Variants in PRKN observed in about 807,000 individuals in gnomAD.
The protein encoded by PRKN is parkin RBR E3 ubiquitin protein ligase.
In PRKN, 56 loss-of-function variants were observed where a neutral mutation model predicts 59.5. The observed-to-expected ratio is 0.94, with a 90% confidence interval of 0.76 to 1.18. The LOEUF (loss-of-function observed/expected upper bound fraction) is 1.18, where lower values mean the gene tolerates loss of function less well. Ranked by LOEUF, PRKN falls within the 50% of genes most tolerant of loss-of-function variation. The probability of loss-of-function intolerance (pLI) is 0.00; values close to 1 mark genes in which losing one functional copy is unlikely to be tolerated. For missense variants in PRKN, 657 were observed against 596.4 expected, an observed-to-expected ratio of 1.10 and a Z score of -1.06; for synonymous variants, 250 against 222.1, an observed-to-expected ratio of 1.13 and a Z score of -1.12.
chr6:162,562,189 T>C (rs1779873568), intron 1 of PRKN, among the ~76,000 whole-genome samples: 1 of 152,104 alleles, frequency 6.6e-6, no homozygotes, highest in South Asian at 2.1e-4. Flanking sequence ...CTAGACACAC[T>C]CTGGCCCACA....
At chr6:162,317,285 C>T (rs553136939) in intron 2 of PRKN, among the ~76,000 whole-genome samples, 90 of 152,080 alleles carry the variant, frequency 5.9e-4, no homozygotes, top group Admixed American at 4.6e-4. Context: ...GATACTGTTC[C>T]CATGGTAGTG....
chr6:161,716,365 A>C (rs753091498), intron 7 of PRKN, among the ~76,000 whole-genome samples: 13 of 152,178 alleles, frequency 8.5e-5, no homozygotes, highest in African/African-American at 3.1e-4. Context: ...TGAAAGTAGC[A>C]GTGCTTTTTT....
chr6:161,646,403 G>A (rs1783948713), intron 7 of PRKN, among the ~76,000 whole-genome samples: 1 of 118,592 alleles, frequency 8.4e-6, no homozygotes, highest in South Asian at 3.0e-4. Context: ...GGCGGAGGAG[G>A]TGGCGTATCA....
intron 6 of PRKN, among the ~76,000 whole-genome samples, chr6:161,938,535 G>A (rs985486989): frequency 4.6e-5 from 7 of 152,112 alleles, no homozygotes; most frequent in African/African-American, 1.7e-4. Flanking sequence ...TAACTAATTA[G>A]GCCCAAACAA....
chr6:161,733,768 G>A (rs1452238127), intron 7 of PRKN, among the ~76,000 whole-genome samples: 1 of 75,068 alleles, frequency 1.3e-5, no homozygotes, highest in Non-Finnish European at 2.3e-5. Flanking sequence ...TTCCCAGGGG[G>A]TGAAAAAAAA....
Position 161,821,719 on chromosome 6 carries a change from C to CTTTTTTTTTTTT in PRKN, c.735-35823_735-35812dup, listed in dbSNP as rs531807176. ...TTTGGAAAATATTTCCACTGGTGTT[C>CTTTTTTTTTTTT]TTTTTTTTTTTTTTTTTTTTTTTTT... On this transcript the variant is annotated intron_variant, in intron 6 of 11. Transcript: ENST00000366898. Among the ~76,000 whole-genome samples, 24 of 64,696 alleles carry CTTTTTTTTTTTT rather than the reference C, an allele frequency of 3.7e-4. 1 individual carries two copies. Among genetic ancestry groups the CTTTTTTTTTTTT allele is most frequent in the Admixed American group, 5.2e-4 (2 of 3,860 alleles). 42.4% of individuals were successfully genotyped at this position (64,696 alleles called of 152,430 possible). A position where few individuals can be genotyped will look rare whatever the true frequency, so the allele number is the denominator to read the frequency against.
intron 4 of PRKN, among the ~76,000 whole-genome samples, chr6:162,161,231 G>A (rs1447713976): frequency 2.0e-5 from 3 of 152,174 alleles, no homozygotes; most frequent in Non-Finnish European, 4.4e-5. Context: ...GCGATCCCCA[G>A]AAATCTAGGT....
intron 2 of PRKN, among the ~76,000 whole-genome samples, chr6:162,309,014 T>C (rs1782355068): frequency 6.6e-6 from 1 of 152,150 alleles, no homozygotes; most frequent in Non-Finnish European, 1.5e-5. Context: ...TAGTCAGGTA[T>C]CTTGAAAGAT....
chr6:161,493,825 G>C (rs1400700655), intron 9 of PRKN, among the ~76,000 whole-genome samples: 2 of 152,196 alleles, frequency 1.3e-5, no homozygotes, highest in East Asian at 3.9e-4. Flanking sequence ...AGAATGATTA[G>C]TTAGAAGTGA....
intron 4 of PRKN, among the ~76,000 whole-genome samples, chr6:162,058,957 G>GAAA (rs553927046): frequency 7.7e-4 from 67 of 87,208 alleles, no homozygotes; most frequent in Non-Finnish European, 1.2e-3. Flanking sequence ...GCCTCAACAA[G>GAAA]AAAAAAAAAA....
At chr6:162,205,767 T>C (rs536519902) in intron 3 of PRKN, among the ~76,000 whole-genome samples, 4 of 151,914 alleles carry the variant, frequency 2.6e-5, no homozygotes, top group South Asian at 2.1e-4. Flanking sequence ...CACACGTACA[T>C]AGCATATGTA....
intron 3 of PRKN, among the ~76,000 whole-genome samples, chr6:162,239,515 G>A (rs1003780641): frequency 6.6e-6 from 1 of 152,026 alleles, no homozygotes; most frequent in Admixed American, 6.6e-5. Flanking sequence ...CCAACGCAGC[G>A]CAGAGCTGTG....
At chr6:162,310,488 G>A (rs1019488810) in intron 2 of PRKN, among the ~76,000 whole-genome samples, 2 of 152,040 alleles carry the variant, frequency 1.3e-5, no homozygotes, top group African/African-American at 4.8e-5. Context: ...GAGCCTGCAG[G>A]AGCAACAGCC....
intron 4 of PRKN, among the ~76,000 whole-genome samples, chr6:162,185,182 A>G (rs1167122283): frequency 6.6e-6 from 1 of 152,186 alleles, no homozygotes; most frequent in Non-Finnish European, 1.5e-5. Flanking sequence ...AATGTTATGG[A>G]TATTTTTTCT....
At chr6:162,380,203 G>A (rs1253805203) in intron 2 of PRKN, among the ~76,000 whole-genome samples, 1 of 151,820 alleles carries the variant, frequency 6.6e-6, no homozygotes, top group African/African-American at 2.4e-5. Context: ...TGCTGATGTG[G>A]CTTATTAGGG....
intron 6 of PRKN, among the ~76,000 whole-genome samples, chr6:161,826,441 G>A (rs896372155): frequency 7.9e-5 from 12 of 152,136 alleles, no homozygotes; most frequent in Non-Finnish European, 1.5e-5. Flanking sequence ...GATGACTATA[G>A]CAAAAATAGT....
chr6:161,860,501 T>A (rs2155486), intron 6 of PRKN, among the ~76,000 whole-genome samples: 75,376 of 152,040 alleles, frequency 0.5, 18,902 homozygotes, highest in East Asian at 0.74. Flanking sequence ...AAACAACTCA[T>A]TGGACACCGT....
At chr6:161,816,979 G>A (rs1454008138) in intron 6 of PRKN, among the ~76,000 whole-genome samples, 6 of 152,030 alleles carry the variant, frequency 3.9e-5, no homozygotes, top group African/African-American at 1.4e-4. Flanking sequence ...CTGGCTTTGG[G>A]CTTTCATTAC....
At chr6:162,040,060 T>A (rs1001898176) in intron 5 of PRKN, among the ~76,000 whole-genome samples, 1 of 152,188 alleles carries the variant, frequency 6.6e-6, no homozygotes, top group African/African-American at 2.4e-5. Flanking sequence ...GTTTAAAAGC[T>A]GGGAGGTGGA....
Sources: gnomAD v4.1 joint callset for allele counts (sites outside exome capture counted in the v4.1 genomes callset) on GRCh38, gnomAD v4.1.1 for gene constraint, MANE v1.5 for transcripts, NCBI Gene and HGNC (gene_info 2026-07-23, HGNC 2026-07-21) for gene names.